Variants in LRRK2 observed in about 807,000 individuals in gnomAD.
The protein encoded by LRRK2 is leucine rich repeat kinase 2.
LRRK2 carries 203 observed loss-of-function variants against 302.6 expected under a neutral mutation model. The ratio of observed to expected loss-of-function variants is 0.67; its 90% CI spans 0.60 to 0.75. The LOEUF is 0.75. LRRK2 is among the 30% of genes least tolerant of loss of function. The pLI, the probability that LRRK2 is intolerant of heterozygous loss-of-function variation, is 0.00. For missense variants in LRRK2, 2,830 were observed against 2,951.0 expected, an observed-to-expected ratio of 0.96 and a Z score of 0.95; for synonymous variants, 1,066 against 1,031.9, an observed-to-expected ratio of 1.03 and a Z score of -0.63.
At chr12:40,362,836 G>A (rs1190353047) in intron 47 of LRRK2, among the ~76,000 whole-genome samples, 1 of 151,998 alleles carries the variant, frequency 6.6e-6, no homozygotes, top group East Asian at 1.9e-4. Flanking sequence ...GGGGAAAATG[G>A]CAAATATTTT....
intron 46 of LRRK2, 105 bp from the exon 47 acceptor site, chr12:40,359,155 A>G (rs934105164): frequency 2.1e-6 from 2 of 944,340 alleles, no homozygotes; most frequent in South Asian, 1.5e-5. Context: ...TAATATCTCT[A>G]ATCATTTAAG....
At chr12:40,231,596 GA>G (rs1374651649) in intron 2 of LRRK2, among the ~76,000 whole-genome samples, 18 of 123,934 alleles carry the variant, frequency 1.5e-4, no homozygotes, top group South Asian at 2.7e-4. Context: ...AAAAAAACAA[GA>G]AAAAAAAAGT....
intron 4 of LRRK2, among the ~76,000 whole-genome samples, chr12:40,236,539 C>G (rs1295913527): frequency 6.6e-6 from 1 of 152,132 alleles, no homozygotes; most frequent in African/African-American, 2.4e-5. Context: ...AAAGGCCGCT[C>G]ACAGGGAGCT....
rs1046613309 is a variant in LRRK2, at chr12:40,229,003, G to A, written c.238-3271G>A. ...ATACAATCTACTAGCTGCTGAATTC[G>A]CAAGCTTTTTGTGCAAGCTAGTAAA... On this transcript the variant is annotated intron_variant, in intron 2 of 50. Coordinates refer to ENST00000298910, the MANE Select transcript of LRRK2 (RefSeq NM_198578.4). Among the ~76,000 whole-genome samples the A allele has an allele frequency of 5.3e-5, 8 of 152,068 alleles. No individual in the cohort carries two copies. In the East Asian group the frequency reaches 7.7e-4, roughly 15 times the overall value.
chr12:40,263,907 T>C lies in LRRK2; in HGVS notation c.1656+6T>C, dbSNP rs1490357320. The stretch of plus-strand genomic sequence containing the variant: ...TCCTAGCAGCTTTGAACAGGGTATG[T>C]TGAATATAAGTTTTCTGTATTTATA... On this transcript the variant is annotated splice_donor_region_variant and intron_variant, in intron 14 of 50. Coordinates refer to ENST00000298910, the MANE Select transcript of LRRK2 (RefSeq NM_198578.4). 5.0e-6 allele frequency: 8 copies of C among 1,584,618 alleles called. No individual in the cohort carries two copies. Among genetic ancestry groups the C allele is most frequent in the Non-Finnish European group, 6.9e-6 (8 of 1,153,996 alleles).
intron 33 of LRRK2, among the ~76,000 whole-genome samples, chr12:40,318,838 T>A (rs1257494604): frequency 6.6e-6 from 1 of 152,098 alleles, no homozygotes; most frequent in Non-Finnish European, 1.5e-5. Context: ...TGCTATAAAG[T>A]ACACAACATG....
intron 49 of LRRK2, 100 bp downstream of exon 49, chr12:40,365,150 T>A (rs1410602503): frequency 9.3e-7 from 1 of 1,075,604 alleles, no homozygotes; most frequent in East Asian, 2.5e-5. Context: ...CAGTGTCATA[T>A]GGATGGTCTT....
chr12:40,225,462 C>G, intron 1 of LRRK2, 93 bp from the exon 2 acceptor site: 1 of 1,322,122 alleles, frequency 7.6e-7, no homozygotes, highest in Admixed American at 1.8e-5. Context: ...AGGTCTTCAC[C>G]TTTTTGACTT....
At chr12:40,305,057 C>A (rs977070559) in intron 27 of LRRK2, 1 of 152,132 alleles carries the variant, frequency 6.6e-6, no homozygotes, top group Non-Finnish European at 1.5e-5. Context: ...ATTCCGCCAC[C>A]ATGCTATCAC....
chr12:40,322,284 A>C (rs1945426047), intron 36 of LRRK2, 35 bp from the exon 37 acceptor site: 2 of 1,609,718 alleles, frequency 1.2e-6, no homozygotes, highest in Non-Finnish European at 1.7e-6. Context: ...TATGAGGTTT[A>C]GACAAGGTGT....
At chr12:40,332,598 C>G (rs958178009) in intron 39 of LRRK2, among the ~76,000 whole-genome samples, 1 of 151,976 alleles carries the variant, frequency 6.6e-6, no homozygotes, top group African/African-American at 2.4e-5. Context: ...ATTTTAAGTA[C>G]TCTGAGTAAT....
intron 38 of LRRK2, 68 bp downstream of exon 38, chr12:40,323,374 G>T: frequency 7.7e-7 from 1 of 1,306,728 alleles, no homozygotes; most frequent in Non-Finnish European, 1.1e-6. Flanking sequence ...TTAGAAAATA[G>T]ATTTCATAAT....
chr12:40,338,788 G>A (rs764329506), intron 40 of LRRK2, among the ~76,000 whole-genome samples: 1 of 152,128 alleles, frequency 6.6e-6, no homozygotes, highest in Non-Finnish European at 1.5e-5. Context: ...GTCTTATAAA[G>A]GATTTGGATA....
chr12:40,351,471 T>C lies in LRRK2; in HGVS notation c.6382-68T>C, dbSNP rs201486225. 18 of 1,472,202 alleles carry C rather than the reference T, an allele frequency of 1.2e-5. No homozygotes were observed. In the East Asian group the frequency reaches 3.9e-4, roughly 32 times the overall value. 91.2% of individuals were successfully genotyped at this position (1,472,202 alleles called of 1,614,324 possible). ...GACAGAGCTATAACACTTCAGTCTA[T>C]ATTTGATTTTTCAAGGGAAATGAGT... is the stretch of plus-strand genomic sequence containing the variant. On this transcript the variant is annotated intron_variant, in intron 43 of 50. Coordinates refer to ENST00000298910, the MANE Select transcript of LRRK2 (RefSeq NM_198578.4).
intron 19 of LRRK2, among the ~76,000 whole-genome samples, chr12:40,284,734 A>G (rs558950179): frequency 6.6e-6 from 1 of 152,230 alleles, no homozygotes; most frequent in South Asian, 2.1e-4. Context: ...TGTTCACACT[A>G]AATGTGTTTT....
rs1299708833 is a variant in LRRK2 at position 40,351,691 on chromosome 12, G to A, written c.6534G>A (p.Gln2178=). 1 of 1,614,204 alleles carries A rather than the reference G, an allele frequency of 6.2e-7. No individual in the cohort carries two copies. Among genetic ancestry groups the A allele is most frequent in the Non-Finnish European group, 8.5e-7 (1 of 1,180,028 alleles). ...WLGCGHTDRG[Q]LSFLDLNTEG... ...GCTGTGGGCACACCGACAGAGGACA[G>A]CTCTCATTTCTTGACTTAAATACTG... The change falls in exon 44 of 51, where the codon CAG becomes CAA. Residue 2178 remains glutamine, a synonymous_variant. Transcript: ENST00000298910.
intron 46 of LRRK2, among the ~76,000 whole-genome samples, chr12:40,358,308 A>C (rs971634627): frequency 5.9e-5 from 9 of 151,890 alleles, no homozygotes; most frequent in Admixed American, 1.3e-4. Flanking sequence ...CTTTGTCTAG[A>C]CCAATGTTCT....
chr12:40,226,419 G>A (rs1940886716), intron 2 of LRRK2, among the ~76,000 whole-genome samples: 1 of 152,226 alleles, frequency 6.6e-6, no homozygotes, highest in Non-Finnish European at 1.5e-5. Flanking sequence ...AACTCATGCA[G>A]AGAAAGAGAA....
At chr12:40,265,849 A>T (rs1234571285) in intron 14 of LRRK2, among the ~76,000 whole-genome samples, 1 of 152,176 alleles carries the variant, frequency 6.6e-6, no homozygotes, top group East Asian at 1.9e-4. Flanking sequence ...ATAATGCCGC[A>T]TATCTACAAC....
Sources: gnomAD v4.1 joint callset for allele counts (sites outside exome capture counted in the v4.1 genomes callset) on GRCh38, gnomAD v4.1.1 for gene constraint, MANE v1.5 for transcripts, NCBI Gene and HGNC (gene_info 2026-07-23, HGNC 2026-07-21) for gene names.